Variants in ARHGAP24 observed in about 807,000 individuals in gnomAD.
ARHGAP24 encodes Rho GTPase activating protein 24, also known as rho GTPase-activating protein 24.
ARHGAP24 carries 50 observed loss-of-function variants against 76.4 expected under a neutral mutation model. The observed-to-expected ratio is 0.65, with a 90% confidence interval of 0.52 to 0.83. The LOEUF is 0.83. Among genes scored for constraint, ARHGAP24 ranks in the 40% least tolerant of loss-of-function variants. The pLI is 0.00. For missense variants in ARHGAP24, 930 were observed against 914.2 expected (o/e 1.02, Z -0.22); for synonymous variants, 345 against 323.3 (o/e 1.07, Z -0.72).
At chr4:85,997,341 T>G (rs1460159889) in intron 9 of ARHGAP24, among the ~76,000 whole-genome samples, 1 of 149,918 alleles carries the variant, frequency 6.7e-6, no homozygotes, top group Non-Finnish European at 1.5e-5. Context: ...GATAGATAGA[T>G]AGAGAGATAG....
intron 3 of ARHGAP24, among the ~76,000 whole-genome samples, chr4:85,879,035 G>A (rs182839358): frequency 3.1e-4 from 47 of 152,302 alleles, no homozygotes; most frequent in Admixed American, 5.9e-4. Flanking sequence ...TGTTACAAAC[G>A]ATGGCTGCTG....
chr4:85,915,928 A>C (rs1578383592), intron 3 of ARHGAP24, among the ~76,000 whole-genome samples: 1 of 152,182 alleles, frequency 6.6e-6, no homozygotes, highest in South Asian at 2.1e-4. Context: ...TCCTTTGGGT[A>C]TATACCCAGT....
chr4:85,708,816 G>T (rs1724413675), intron 2 of ARHGAP24, among the ~76,000 whole-genome samples: 1 of 152,036 alleles, frequency 6.6e-6, no homozygotes, highest in Non-Finnish European at 1.5e-5. Flanking sequence ...ATTATCATTT[G>T]ACAAAATAAA....
At chr4:85,955,249 G>A (rs1449584512) in intron 5 of ARHGAP24, among the ~76,000 whole-genome samples, 1 of 142,224 alleles carries the variant, frequency 7.0e-6, no homozygotes, top group Non-Finnish European at 1.5e-5. Context: ...CCGACCCTCA[G>A]CATGTGCTCC....
At chr4:85,713,427 T>A (rs1295061158) in intron 2 of ARHGAP24, among the ~76,000 whole-genome samples, 4 of 152,182 alleles carry the variant, frequency 2.6e-5, no homozygotes, top group African/African-American at 9.7e-5. Context: ...AAAATAAAAA[T>A]CATCTATAAC....
intron 3 of ARHGAP24, among the ~76,000 whole-genome samples, chr4:85,824,154 T>G (rs1729602212): frequency 6.6e-6 from 1 of 152,234 alleles, no homozygotes; most frequent in South Asian, 2.1e-4. Context: ...TCATACAGAT[T>G]ATCTTTAAAC....
chr4:85,580,136 T>TG (rs557805004), intron 2 of ARHGAP24, among the ~76,000 whole-genome samples: 92 of 144,898 alleles, frequency 6.3e-4, no homozygotes, highest in Middle Eastern at 3.4e-3. Context: ...GTGTGTGTGG[T>TG]GGGGGGGGAG....
chr4:85,903,114 T>C (rs551473235), intron 3 of ARHGAP24, among the ~76,000 whole-genome samples: 25 of 152,360 alleles, frequency 1.6e-4, no homozygotes, highest in African/African-American at 5.8e-4. Context: ...TCTGAAATAC[T>C]GTCAAGATCA....
At chr4:85,796,787 C>T (rs898764458) in intron 3 of ARHGAP24, among the ~76,000 whole-genome samples, 2 of 152,126 alleles carry the variant, frequency 1.3e-5, no homozygotes, top group African/African-American at 4.8e-5. Flanking sequence ...TCTCTGGAGA[C>T]GCTATGGCCT....
chr4:85,970,801 C>A (rs1013256730), intron 5 of ARHGAP24, among the ~76,000 whole-genome samples: 3 of 151,982 alleles, frequency 2.0e-5, no homozygotes, highest in African/African-American at 7.3e-5. Flanking sequence ...CTACTCTTCC[C>A]GGTTCCAGGA....
At position 85,558,133 on chromosome 4, in the gene ARHGAP24, C is replaced by T; in HGVS notation, c.-20-12389C>T. 1.3e-5 allele frequency among the ~76,000 whole-genome samples: 2 copies of T among 152,090 alleles called. 1 individual carries two copies. Among genetic ancestry groups the T allele is most frequent in the Admixed American group, 1.3e-4 (2 of 15,272 alleles). On this transcript the variant is annotated intron_variant, in intron 1 of 9. Coordinates refer to ENST00000395184, the MANE Select transcript of ARHGAP24 (RefSeq NM_001025616.3). ...CTGAGTCACATGTCCATTTCCTGGG[C>T]CAGTCACTGTTGCTAGGGAGCTCAG...
At chr4:85,533,148 G>A (rs1172726095) in intron 1 of ARHGAP24, among the ~76,000 whole-genome samples, 2 of 152,110 alleles carry the variant, frequency 1.3e-5, no homozygotes, top group African/African-American at 4.8e-5. Context: ...AAAGACAAGT[G>A]GCTACTCATT....
chr4:85,477,491 G>C (rs1578174594), intron 1 of ARHGAP24, among the ~76,000 whole-genome samples: 2 of 152,338 alleles, frequency 1.3e-5, no homozygotes, highest in South Asian at 4.1e-4. Context: ...GTGTTTTTGG[G>C]TGAAATCCCC....
intron 2 of ARHGAP24, among the ~76,000 whole-genome samples, chr4:85,598,591 T>C (rs1459906147): frequency 6.6e-6 from 1 of 152,096 alleles, no homozygotes; most frequent in Non-Finnish European, 1.5e-5. Flanking sequence ...AATAATAAGA[T>C]GAATAGGATC....
intron 8 of ARHGAP24, among the ~76,000 whole-genome samples, chr4:85,993,149 G>A (rs1223013203): frequency 1.3e-5 from 2 of 152,232 alleles, no homozygotes; most frequent in African/African-American, 2.4e-5. Flanking sequence ...GTTTCTCAAA[G>A]TGTAATGCAC....
intron 2 of ARHGAP24, among the ~76,000 whole-genome samples, chr4:85,575,878 A>G (rs900562831): frequency 6.6e-6 from 1 of 152,242 alleles, no homozygotes; most frequent in East Asian, 1.9e-4. Context: ...ACAGCAGGGC[A>G]TCGATTTTTA....
chr4:85,945,859 TA>T (rs1737236164), intron 5 of ARHGAP24, among the ~76,000 whole-genome samples: 1 of 152,296 alleles, frequency 6.6e-6, no homozygotes, highest in Admixed American at 6.5e-5. Flanking sequence ...CCTTTTCCTT[TA>T]TAAAGTAAAA....
chr4:85,555,454 C>G (rs142774166), intron 1 of ARHGAP24, among the ~76,000 whole-genome samples: 4 of 152,300 alleles, frequency 2.6e-5, no homozygotes, highest in African/African-American at 9.6e-5. Context: ...GGGTTGTGAT[C>G]AAGTAGGTGG....
chr4:85,854,977 T>C (rs990879868), intron 3 of ARHGAP24, among the ~76,000 whole-genome samples: 8 of 152,234 alleles, frequency 5.3e-5, no homozygotes, highest in Non-Finnish European at 1.2e-4. Context: ...TTATGTTAAC[T>C]TGCTTTTGTT....
Sources: allele counts gnomAD v4.1 joint callset (sites outside exome capture counted in the v4.1 genomes callset), GRCh38; gene constraint gnomAD v4.1.1; transcripts MANE v1.5; gene names NCBI Gene and HGNC (gene_info 2026-07-23, HGNC 2026-07-21).